Variants in SGSM2 observed in about 807,000 individuals in gnomAD.
SGSM2 encodes RUN and TBC1 domain containing 1.
A neutral mutation model predicts 126.6 loss-of-function variants in SGSM2; 89 were observed. That is an observed-to-expected ratio of 0.70 (90% CI 0.59 to 0.84). SGSM2 has a LOEUF of 0.84. Ranked by LOEUF, SGSM2 falls within the 40% of genes least tolerant of loss-of-function variation. The pLI is 0.00. For missense variants in SGSM2, 1,404 were observed against 1,416.6 expected (o/e 0.99, Z 0.14); for synonymous variants, 614 against 574.3 (o/e 1.07, Z -0.99).
Position 2,363,179 on chromosome 17 carries a change from C to T in SGSM2, c.672+45C>T. 1.9e-6 allele frequency: 3 copies of T among 1,549,768 alleles called. No individual in the cohort carries two copies. The South Asian group carries it at 3.5e-5, about 18-fold the overall frequency. The stretch of plus-strand genomic sequence containing the variant: ...CCTTTGGGCTCATCTGGGCTATGCC[C>T]ATGGGCCTGTAGGGACGGGAAACCG... On this transcript the variant is annotated intron_variant, in intron 6 of 23. Coordinates refer to ENST00000268989, the MANE Select transcript of SGSM2 (RefSeq NM_014853.3). This position sits in a 1 kb window ranked among gnomAD's most constrained non-coding sequence, Gnocchi z 4.2.
chr17:2,363,720 C>A lies in SGSM2; in HGVS notation c.807+121C>A. ...ACCAGAGACGGGGGGGAGAATGGCC[C>A]CAGCCTCCCAACTCCCTGTTTCACA... On this transcript the variant is annotated intron_variant, in intron 7 of 23. Coordinates refer to ENST00000268989, the MANE Select transcript of SGSM2 (RefSeq NM_014853.3). The surrounding 1 kb of genome is among the most constrained non-coding windows in gnomAD (Gnocchi z 4.2). The A allele has an allele frequency of 7.2e-7, 1 of 1,381,132 alleles. No individual in the cohort carries two copies. Among genetic ancestry groups the A allele is most frequent in the East Asian group, 2.5e-5 (1 of 40,714 alleles). 85.6% of individuals were successfully genotyped at this position (1,381,132 alleles called of 1,614,324 possible).
intron 2 of SGSM2, among the ~76,000 whole-genome samples, chr17:2,349,993 T>C (rs2064781898): frequency 6.6e-6 from 1 of 152,018 alleles, no homozygotes; most frequent in Non-Finnish European, 1.5e-5. Context: ...TTCACCGTGT[T>C]AGCCAGGATG....
In SGSM2 at chr17:2,373,694, C is replaced by G. The variant is rs111668044; in HGVS notation, c.2100+181C>G. 2.2e-4 allele frequency: 130 copies of G among 602,782 alleles called. 1 individual carries two copies. Among genetic ancestry groups the G allele is most frequent in the African/African-American group, 2.0e-3 (110 of 54,080 alleles). 37.3% of individuals were successfully genotyped at this position (602,782 alleles called of 1,614,324 possible). The stretch of plus-strand genomic sequence containing the variant: ...CTAACTGTGCCTCTGCTGCCTACTT[C>G]TCTGGGTATTGTAGGAATAAAGTGA... On this transcript the variant is annotated intron_variant, in intron 17 of 23. Coordinates refer to ENST00000268989, the MANE Select transcript of SGSM2 (RefSeq NM_014853.3).
intron 19 of SGSM2, 172 bp from the exon 20 acceptor site, chr17:2,376,561 G>A (rs897897137): frequency 7.8e-6 from 6 of 765,780 alleles, no homozygotes; most frequent in Admixed American, 2.3e-5. Flanking sequence ...CCTTGGGGGG[G>A]ACCCGTGGGT....
In SGSM2 at chr17:2,363,838, G is replaced by A; in HGVS notation, c.808-221G>A. 1 of 784,766 alleles carries A rather than the reference G, an allele frequency of 1.3e-6. No homozygotes were observed. The highest frequency in any genetic ancestry group is 2.0e-6 in the Non-Finnish European group (1 of 501,100). The allele number at this position is 784,766 out of a possible 1,614,324, so 48.6% of individuals were successfully genotyped here. A position where few individuals can be genotyped will look rare whatever the true frequency, so the allele number is the denominator to read the frequency against. ...GTGTGGGTATGGCTGGCCTGGAATGGACCTGGCATCCAGGAGGCTGGCAGG... is the reference window on the plus strand; with the variant it reads ...GTGTGGGTATGGCTGGCCTGGAATGAACCTGGCATCCAGGAGGCTGGCAGG... On this transcript the variant is annotated intron_variant, in intron 7 of 23. Coordinates refer to ENST00000268989, the MANE Select transcript of SGSM2 (RefSeq NM_014853.3). This position sits in a 1 kb window ranked among gnomAD's most constrained non-coding sequence, Gnocchi z 4.2.
chr17:2,380,486 T>TG lies in SGSM2; in HGVS notation c.*967dup, dbSNP rs139027951. On this transcript the variant is annotated 3_prime_UTR_variant, in exon 24 of 24. Transcript: ENST00000268989. ...CTGCGGGAGGCAGGGGATGCATGGG[T>TG]GTCCCCATCTGTCCCTGGTGAGAAG... The TG allele has an allele frequency of 8.8e-5, 56 of 633,310 alleles. No individual in the cohort carries two copies. The East Asian group carries it at 1.5e-3, about 17-fold the overall frequency. 39.2% of individuals were successfully genotyped at this position (633,310 alleles called of 1,614,324 possible). A position where few individuals can be genotyped will look rare whatever the true frequency, so the allele number is the denominator to read the frequency against.
chr17:2,370,241 G>C (rs1021989446), intron 12 of SGSM2, among the ~76,000 whole-genome samples: 1 of 152,144 alleles, frequency 6.6e-6, no homozygotes, highest in Non-Finnish European at 1.5e-5. Context: ...CCTCCCTCCC[G>C]GCATCACCCC....
At chr17:2,358,462 C>G (rs1260972377) in intron 2 of SGSM2, among the ~76,000 whole-genome samples, 1 of 152,172 alleles carries the variant, frequency 6.6e-6, no homozygotes, top group Admixed American at 6.5e-5. Context: ...GTAATGCCGG[C>G]GCTTTGGAAG....
intron 2 of SGSM2, among the ~76,000 whole-genome samples, chr17:2,350,069 A>G (rs193188552): frequency 0.012 from 1,847 of 151,518 alleles, 18 homozygotes; most frequent in Middle Eastern, 0.048. Flanking sequence ...TTACAGGCGT[A>G]AGCCACCACG....
intron 13 of SGSM2, chr17:2,371,690 C>T (rs1207792869): frequency 6.5e-6 from 3 of 458,794 alleles, no homozygotes; most frequent in Non-Finnish European, 1.2e-5. Context: ...AGAGAGAACC[C>T]AAGTGAAGGT....
chr17:2,359,520 C>T (rs567259289), intron 2 of SGSM2, among the ~76,000 whole-genome samples: 40 of 152,236 alleles, frequency 2.6e-4, no homozygotes, highest in African/African-American at 8.2e-4. Flanking sequence ...AATTAGGGAC[C>T]GTGGGGTAAA....
At position 2,365,321 on chromosome 17, in the gene SGSM2, C is replaced by A; in HGVS notation, c.1268C>A (p.Pro423His). ...ATDYVFRIIY[P>H]GHRHEHITIN... The stretch of plus-strand genomic sequence containing the variant: ...GACTATGTGTTCCGGATCATCTACC[C>A]CGGCCACAGGCACGAGCACAGTGAG... The change falls in exon 11 of 24, where the codon CCC becomes CAC. Residue 423 changes from proline to histidine, a missense_variant. Transcript: ENST00000268989. 1 of 1,570,188 alleles carries A rather than the reference C, an allele frequency of 6.4e-7. No individual in the cohort carries two copies. The highest frequency in any genetic ancestry group is 8.6e-7 in the Non-Finnish European group (1 of 1,156,852).
rs368736242 is a variant in SGSM2 at position 2,378,921 on chromosome 17, CCAGCCT to C, written c.2900-97_2900-92del. 1.4e-4 allele frequency: 182 copies of C among 1,298,542 alleles called. 1 individual carries two copies. The East Asian group carries it at 3.2e-3, about 23-fold the overall frequency. The allele number at this position is 1,298,542 out of a possible 1,614,324, so 80.4% of individuals were successfully genotyped here. A position where few individuals can be genotyped will look rare whatever the true frequency, so the allele number is the denominator to read the frequency against. On this transcript the variant is annotated intron_variant, in intron 22 of 23. Transcript: ENST00000268989. The stretch of plus-strand genomic sequence containing the variant: ...AGTCCGGCCAGCATCAGCCCCAGCC[CCAGCCT>C]CAGCCTCAGCCTCAGCCCCAGCCTC...
At chr17:2,355,348 A>G (rs1403551243) in intron 2 of SGSM2, among the ~76,000 whole-genome samples, 10 of 42,534 alleles carry the variant, frequency 2.4e-4, no homozygotes, top group African/African-American at 8.5e-4. Flanking sequence ...GGGGGAAGGG[A>G]CCCCATATCT....
At chr17:2,340,791 AGCC>A (rs1567795688) in intron 1 of SGSM2, among the ~76,000 whole-genome samples, 44 of 151,470 alleles carry the variant, frequency 2.9e-4, no homozygotes, top group Non-Finnish European at 5.5e-4. Context: ...TCACCATGTT[AGCC>A]AGGATGGTCT....
In SGSM2 at chr17:2,371,521, G is replaced by A. The variant is rs995357938; in HGVS notation, c.1577+106G>A. 71 of 1,354,660 alleles carry A rather than the reference G, an allele frequency of 5.2e-5. No homozygotes were observed. In the African/African-American group the frequency reaches 8.7e-4, roughly 17 times the overall value. 83.9% of individuals were successfully genotyped at this position (1,354,660 alleles called of 1,614,324 possible). A position where few individuals can be genotyped will look rare whatever the true frequency, so the allele number is the denominator to read the frequency against. ...CACCTGCACGACAGGGTGGCCTCTAGAGTGGGACAGATCTGGGTTCAAATT... is the reference window on the plus strand; with the variant it reads ...CACCTGCACGACAGGGTGGCCTCTAAAGTGGGACAGATCTGGGTTCAAATT... On this transcript the variant is annotated intron_variant, in intron 13 of 23. Coordinates refer to ENST00000268989, the MANE Select transcript of SGSM2 (RefSeq NM_014853.3).
chr17:2,338,586 G>T (rs2064194824), intron 1 of SGSM2, among the ~76,000 whole-genome samples: 1 of 151,946 alleles, frequency 6.6e-6, no homozygotes, highest in East Asian at 2.0e-4. Context: ...ACTCCACCAG[G>T]GCAGGAGACC....
At chr17:2,378,846 C>G (rs991653197) in intron 22 of SGSM2, among the ~76,000 whole-genome samples, 190 bp from the exon 23 acceptor site, 18 of 152,188 alleles carry the variant, frequency 1.2e-4, no homozygotes, top group African/African-American at 4.1e-4. Context: ...ACTTTGGCCC[C>G]TGAAGCTCTG....
In SGSM2 at chr17:2,371,244, C is replaced by A; in HGVS notation, c.1424-18C>A. 1 of 1,606,570 alleles carries A rather than the reference C, an allele frequency of 6.2e-7. No homozygotes were observed. Among genetic ancestry groups the A allele is most frequent in the South Asian group, 1.1e-5 (1 of 90,384 alleles). On this transcript the variant is annotated intron_variant, in intron 12 of 23. Coordinates refer to ENST00000268989, the MANE Select transcript of SGSM2 (RefSeq NM_014853.3). ...AAGGTGTCTCAGGCCCTGACCATGC[C>A]ACCCTTCCTGCCCGCAGACGCTGGT... is the stretch of plus-strand genomic sequence containing the variant.
Sources: gnomAD v4.1 joint callset for allele counts (sites outside exome capture counted in the v4.1 genomes callset) on GRCh38, gnomAD v4.1.1 for gene constraint, Gnocchi (gnomAD v3.1) non-coding constraint, MANE v1.5 for transcripts, NCBI Gene and HGNC (gene_info 2026-07-23, HGNC 2026-07-21) for gene names.